The following TMEM132B variants were observed in gnomAD, a reference collection of about 807,000 sequenced individuals.
TMEM132B encodes transmembrane protein 132B.
Under a neutral mutation model 90.8 loss-of-function variants are expected in TMEM132B, and 18 were observed. That is an observed-to-expected ratio of 0.20 (90% CI 0.14 to 0.29). The LOEUF (loss-of-function observed/expected upper bound fraction) is 0.29. TMEM132B is among the 10% of genes least tolerant of loss of function. TMEM132B has a pLI of 1.00. For missense variants in TMEM132B, 1,096 were observed against 1,326.8 expected (o/e 0.83, Z 2.70); for synonymous variants, 504 against 523.3 (o/e 0.96, Z 0.50).
chr12:125,319,187 G>C (rs530157846), intron 1 of TMEM132B, among the ~76,000 whole-genome samples: 1 of 152,218 alleles, frequency 6.6e-6, no homozygotes, highest in African/African-American at 2.4e-5. Flanking sequence ...TACAGCTCCC[G>C]GGGCTGGTGG....
intron 1 of TMEM132B, among the ~76,000 whole-genome samples, chr12:125,299,314 C>T (rs1341080310): frequency 6.6e-6 from 1 of 152,154 alleles, no homozygotes; most frequent in African/African-American, 2.4e-5. Flanking sequence ...TCCCTGGGCC[C>T]TGGGACTCAT....
rs551869608 is a variant in TMEM132B, at chr12:125,380,747, G to A, written c.959+30404G>A. 2.0e-5 allele frequency among the ~76,000 whole-genome samples: 3 copies of A among 152,316 alleles called. No homozygotes were observed. In the East Asian group the frequency reaches 5.8e-4, roughly 29 times the overall value. On this transcript the variant is annotated intron_variant, in intron 2 of 8. Transcript: ENST00000682704. ...GTAGAAGATTGGAAGCAAGAGGAAC[G>A]CAGCCCTCCCACCCATGGTGTCCAT...
At chr12:125,551,302 G>A (rs930853807) in intron 4 of TMEM132B, among the ~76,000 whole-genome samples, 1 of 152,234 alleles carries the variant, frequency 6.6e-6, no homozygotes, top group Admixed American at 6.5e-5. Context: ...CAGATCAGCA[G>A]TGAGTGTGAC....
intron 3 of TMEM132B, among the ~76,000 whole-genome samples, chr12:125,423,724 T>G (rs1880234537): frequency 6.6e-6 from 1 of 152,216 alleles, no homozygotes. Flanking sequence ...AATCTATGAT[T>G]GAAAGGGTAA....
At chr12:125,592,820 GA>G (rs1327445272) in intron 5 of TMEM132B, among the ~76,000 whole-genome samples, 64 of 152,208 alleles carry the variant, frequency 4.2e-4, no homozygotes, top group African/African-American at 1.5e-3. Context: ...CAACATACAT[GA>G]CTATTCAGGT....
chr12:125,245,264 C>T (rs565162491), intron 1 of TMEM132B, among the ~76,000 whole-genome samples: 2 of 146,436 alleles, frequency 1.4e-5, no homozygotes, highest in Admixed American at 1.4e-4. Flanking sequence ...CCAGATGCCC[C>T]CCCAGGCAGC....
rs1188613098 is a variant in TMEM132B at position 125,458,640 on chromosome 12, A to G, written c.1106+42963A>G. 6.6e-6 allele frequency among the ~76,000 whole-genome samples: 1 copy of G among 152,120 alleles called. No individual in the cohort carries two copies. The highest frequency in any genetic ancestry group is 2.4e-5 in the African/African-American group (1 of 41,412). On this transcript the variant is annotated intron_variant, in intron 3 of 8. Transcript: ENST00000682704. The surrounding 1 kb of genome is among the most constrained non-coding windows in gnomAD (Gnocchi z 4.9). ...CAGGACCCCTGGAAATGAGACTCACATCCATGCGGCCAGCGTCCGTGTCCC... is the reference window on the plus strand; with the variant it reads ...CAGGACCCCTGGAAATGAGACTCACGTCCATGCGGCCAGCGTCCGTGTCCC...
chr12:125,190,138 T>C (rs1318800047), intron 1 of TMEM132B, among the ~76,000 whole-genome samples: 1 of 152,054 alleles, frequency 6.6e-6, no homozygotes, highest in Non-Finnish European at 1.5e-5. Flanking sequence ...GGACCGCCTG[T>C]TCAGGGTCAC....
chr12:125,502,609 C>T (rs1401466210), intron 3 of TMEM132B, among the ~76,000 whole-genome samples: 1 of 152,180 alleles, frequency 6.6e-6, no homozygotes, highest in Non-Finnish European at 1.5e-5. Flanking sequence ...AAATGCGGAG[C>T]TGGAAGTATT....
chr12:125,240,623 C>T (rs1478214851), intron 1 of TMEM132B, among the ~76,000 whole-genome samples: 1 of 152,152 alleles, frequency 6.6e-6, no homozygotes, highest in African/African-American at 2.4e-5. Flanking sequence ...AAAGGACATG[C>T]ACCTTACTCT....
chr12:125,395,917 C>T (rs975759332), intron 2 of TMEM132B, among the ~76,000 whole-genome samples: 1 of 152,166 alleles, frequency 6.6e-6, no homozygotes, highest in African/African-American at 2.4e-5. Flanking sequence ...ATCAACAATC[C>T]CTGACAAATC....
At chr12:125,295,322 G>C (rs967048207) in intron 1 of TMEM132B, among the ~76,000 whole-genome samples, 1 of 152,188 alleles carries the variant, frequency 6.6e-6, no homozygotes, top group East Asian at 1.9e-4. Context: ...AGATGTTCGA[G>C]GGAAGGTCTG....
intron 1 of TMEM132B, among the ~76,000 whole-genome samples, chr12:125,219,614 G>A (rs1207944870): frequency 1.3e-5 from 2 of 152,108 alleles, no homozygotes; most frequent in African/African-American, 2.4e-5. Context: ...AACCCTCCCC[G>A]CCAGGCTCTG....
chr12:125,512,492 CT>C (rs1485592204), intron 3 of TMEM132B, among the ~76,000 whole-genome samples: 2 of 152,174 alleles, frequency 1.3e-5, no homozygotes, highest in African/African-American at 2.4e-5. Flanking sequence ...GCCAGAAATG[CT>C]GTAAAGGAAC....
intron 5 of TMEM132B, among the ~76,000 whole-genome samples, chr12:125,596,738 C>G (rs1290996649): frequency 6.6e-6 from 1 of 152,206 alleles, no homozygotes; most frequent in African/African-American, 2.4e-5. Flanking sequence ...GAATGTCAAC[C>G]ATGTCACTCC....
At chr12:125,461,293 G>C (rs1490162925) in intron 3 of TMEM132B, among the ~76,000 whole-genome samples, 2 of 152,208 alleles carry the variant, frequency 1.3e-5, no homozygotes, top group Admixed American at 1.3e-4. Context: ...ACCCACACAT[G>C]CTTACTGTGG....
intron 4 of TMEM132B, among the ~76,000 whole-genome samples, chr12:125,570,910 C>T (rs534764615): frequency 6.6e-5 from 10 of 152,198 alleles, no homozygotes; most frequent in African/African-American, 1.7e-4. Flanking sequence ...TGGGCCAGAA[C>T]CTCACAGGCT....
At chr12:125,366,834 C>G (rs1236594840) in intron 2 of TMEM132B, among the ~76,000 whole-genome samples, 1 of 152,124 alleles carries the variant, frequency 6.6e-6, no homozygotes, top group Non-Finnish European at 1.5e-5. Context: ...TCTAACAGGC[C>G]TCTGAGTCTC....
chr12:125,525,564 T>A (rs576246812), intron 4 of TMEM132B, among the ~76,000 whole-genome samples: 2 of 152,360 alleles, frequency 1.3e-5, no homozygotes, highest in African/African-American at 4.8e-5. Context: ...TGCTAGGGTC[T>A]CTGTCTTGGC....
Sources: gnomAD v4.1 joint callset for allele counts (sites outside exome capture counted in the v4.1 genomes callset) on GRCh38, gnomAD v4.1.1 for gene constraint, Gnocchi (gnomAD v3.1) non-coding constraint, MANE v1.5 for transcripts, NCBI Gene and HGNC (gene_info 2026-07-23, HGNC 2026-07-21) for gene names.